The following TBCD variants were observed in gnomAD, a reference collection of about 807,000 sequenced individuals.
TBCD encodes tubulin folding cofactor D.
A neutral mutation model predicts 169.3 loss-of-function variants in TBCD; 105 were observed. The observed-to-expected ratio is 0.62, with a 90% CI of 0.53 to 0.73. The LOEUF (loss-of-function observed/expected upper bound fraction) is 0.73. Ranked by LOEUF, TBCD falls within the 30% of genes least tolerant of loss-of-function variation. The pLI, the probability that TBCD is intolerant of heterozygous loss-of-function variation, is 0.00. For missense variants in TBCD, 1,444 were observed against 1,600.1 expected, an observed-to-expected ratio of 0.90 and a Z score of 1.66; for synonymous variants, 700 against 643.9, an observed-to-expected ratio of 1.09 and a Z score of -1.32.
chr17:82,823,963 TCTACTTTCTGCTTGAAAA>T (rs1245869205), intron 13 of TBCD, among the ~76,000 whole-genome samples: 2 of 151,968 alleles, frequency 1.3e-5, no homozygotes, highest in Non-Finnish European at 2.9e-5. Flanking sequence ...GTAACTCTAG[TCTACTTTCTGCTTGAAAA>T]AGGACTTTGC....
rs529146632 is a variant in TBCD, at chr17:82,791,307, G to T, written c.772-6450G>T. Among the ~76,000 whole-genome samples, 38 of 152,200 alleles carry T rather than the reference G, an allele frequency of 2.5e-4. No homozygotes were observed. The South Asian group carries it at 7.9e-3, about 32-fold the overall frequency. On this transcript the variant is annotated intron_variant, in intron 7 of 38. Transcript: ENST00000355528. ...GGGGTTTCACCGTGTTAGCCAGGAT[G>T]GTCTCGATCTCCTGACCTCGTGATC...
At chr17:82,850,227 G>GCTGTGCTGTTGTTGC (rs2145637560) in intron 13 of TBCD, among the ~76,000 whole-genome samples, 2 of 141,792 alleles carry the variant, frequency 1.4e-5, no homozygotes, top group Admixed American at 7.1e-5. Flanking sequence ...GCTGCTGTTG[G>GCTGTGCTGTTGTTGC]CTGTGCTGCT....
intron 13 of TBCD, 34 bp from the exon 14 acceptor site, chr17:82,870,190 G>C (rs1243150294): frequency 1.2e-6 from 2 of 1,611,210 alleles, no homozygotes; most frequent in South Asian, 2.2e-5. Flanking sequence ...CGTGTGGTCT[G>C]CTCCTCACCG....
chr17:82,940,958 TAAAAAAA>T (rs199798632), intron 37 of TBCD, among the ~76,000 whole-genome samples: 2 of 148,004 alleles, frequency 1.4e-5, no homozygotes, highest in African/African-American at 4.9e-5. Flanking sequence ...CCCTTTCTGT[TAAAAAAA>T]AAAATCCTTA....
At chr17:82,897,193 T>C (rs1378299957) in intron 17 of TBCD, among the ~76,000 whole-genome samples, 1 of 152,150 alleles carries the variant, frequency 6.6e-6, no homozygotes, top group Non-Finnish European at 1.5e-5. Flanking sequence ...TTCAGTATCC[T>C]GTATATTCCT....
rs2053522475 is a variant in TBCD at position 82,831,642 on chromosome 17, G to A, written c.1318+16708G>A. Reference sequence around the variant, plus strand: ...CTTGGGTTCCGTAGACTGACAGCAGGGGTGCGTCACACTCAGGCGAGCTCC... The same window carrying A: ...CTTGGGTTCCGTAGACTGACAGCAGAGGTGCGTCACACTCAGGCGAGCTCC... On this transcript the variant is annotated intron_variant, in intron 13 of 38. Transcript: ENST00000355528. The surrounding 1 kb of genome is among the most constrained non-coding windows in gnomAD (Gnocchi z 4.6). 1.9e-6 allele frequency: 3 copies of A among 1,614,182 alleles called. No homozygotes were observed.
rs189904059 is a variant in TBCD, at chr17:82,927,201, T to C, written c.2487T>C (p.Val829=). ...LKAIARICQT[V]GVKAGAPDEA... The stretch of plus-strand genomic sequence containing the variant: ...TAAATTTCAGGATTTGCCAGACTGT[T>C]GGTGTGAAAGCAGGAGCCCCAGACG... Residue 829 remains valine (V), a synonymous_variant, in exon 29 of 39, where the codon GTT becomes GTC. Coordinates refer to ENST00000355528, the MANE Select transcript of TBCD (RefSeq NM_005993.5). The C allele has an allele frequency of 9.1e-4, 1,474 of 1,614,010 alleles. No homozygotes were observed. Among genetic ancestry groups the C allele is most frequent in the Non-Finnish European group, 1.1e-3 (1,311 of 1,179,886 alleles).
chr17:82,891,148 A>G (rs7221839), intron 16 of TBCD, among the ~76,000 whole-genome samples: 43,229 of 152,200 alleles, frequency 0.28, 6,276 homozygotes, highest in African/African-American at 0.35. Flanking sequence ...GGAGCAGCCC[A>G]GTCGCATAGG....
At chr17:82,891,337 C>T (rs1027121727) in intron 16 of TBCD, among the ~76,000 whole-genome samples, 5 of 152,218 alleles carry the variant, frequency 3.3e-5, no homozygotes, top group South Asian at 2.1e-4. Context: ...CCCGTGGGTG[C>T]GGGAGTCTTG....
At chr17:82,774,016 ACCGCGCCTGGCCCGAGT>A (rs1277371789) in intron 6 of TBCD, among the ~76,000 whole-genome samples, 3 of 148,528 alleles carry the variant, frequency 2.0e-5, no homozygotes, top group Admixed American at 2.0e-4. Context: ...GGTGTGAGCC[ACCGCGCCTGGCCCGAGT>A]GTGTCTTTTT....
At chr17:82,897,937 C>T (rs551154882) in intron 17 of TBCD, among the ~76,000 whole-genome samples, 4 of 151,362 alleles carry the variant, frequency 2.6e-5, no homozygotes, top group South Asian at 2.1e-4. Context: ...ATTGAGCCCC[C>T]GTGGGTTTTG....
chr17:82,778,476 C>T (rs1457260927), intron 6 of TBCD, among the ~76,000 whole-genome samples: 2 of 152,044 alleles, frequency 1.3e-5, no homozygotes, highest in Non-Finnish European at 2.9e-5. Context: ...CTTTTCTTTT[C>T]GAGACAGGGT....
intron 13 of TBCD, among the ~76,000 whole-genome samples, chr17:82,859,072 C>T (rs536449151): frequency 2.0e-5 from 3 of 151,338 alleles, no homozygotes; most frequent in African/African-American, 2.4e-5. Flanking sequence ...GTGTCCTCCC[C>T]GCACTGGCTT....
intron 13 of TBCD, among the ~76,000 whole-genome samples, chr17:82,869,172 T>C (rs2057388607): frequency 6.6e-6 from 1 of 152,238 alleles, no homozygotes; most frequent in Non-Finnish European, 1.5e-5. Context: ...GTTTTCTTTG[T>C]TCAGCAGTTG....
Position 82,800,890 on chromosome 17 carries a change from GGCT to G in TBCD, c.847_849del (p.Cys283del). The G allele has an allele frequency of 6.2e-7, 1 of 1,612,862 alleles. No individual in the cohort carries two copies. Among genetic ancestry groups the G allele is most frequent in the Non-Finnish European group, 8.5e-7 (1 of 1,179,632 alleles). ...TGCCACTGTCCTCAGGTGCCTCGAT[GGCT>G]GCAGACTCCCTGAGAGCAACCAGAC... On this transcript the variant is annotated inframe_deletion, in exon 9 of 39. Transcript: ENST00000355528.
intron 13 of TBCD, among the ~76,000 whole-genome samples, chr17:82,821,321 A>G (rs1376780589): frequency 9.9e-6 from 1 of 100,634 alleles, no homozygotes; most frequent in East Asian, 2.6e-4. Flanking sequence ...CTTTGTCCAC[A>G]GTTTTCTTGA....
chr17:82,828,671 C>T (rs1410525604), intron 13 of TBCD, among the ~76,000 whole-genome samples: 2 of 151,274 alleles, frequency 1.3e-5, no homozygotes, highest in Non-Finnish European at 2.9e-5. Flanking sequence ...TACACATGCA[C>T]ACCCACAGAA....
chr17:82,772,937 C>T (rs2048379453), intron 6 of TBCD, among the ~76,000 whole-genome samples: 1 of 152,106 alleles, frequency 6.6e-6, no homozygotes, highest in African/African-American at 2.4e-5. Flanking sequence ...CCCGTGTGCC[C>T]CAGACAGGGG....
rs1046159557 is a variant in TBCD, at chr17:82,915,114, G to C, written c.2038+3325G>C. On this transcript the variant is annotated intron_variant, in intron 23 of 38. Transcript: ENST00000355528. The surrounding 1 kb of genome is among the most constrained non-coding windows in gnomAD (Gnocchi z 4.3). ...CTCTTGTCGGGGTGAGAAATCTGCG[G>C]GTTCACGGGCTACATGTGGGAGACG... 6.6e-6 allele frequency among the ~76,000 whole-genome samples: 1 copy of C among 152,116 alleles called. No individual in the cohort carries two copies. The highest frequency in any genetic ancestry group is 2.4e-5 in the African/African-American group (1 of 41,424).
Sources: gnomAD v4.1 joint callset for allele counts (sites outside exome capture counted in the v4.1 genomes callset) on GRCh38, gnomAD v4.1.1 for gene constraint, Gnocchi (gnomAD v3.1) non-coding constraint, MANE v1.5 for transcripts, NCBI Gene and HGNC (gene_info 2026-07-23, HGNC 2026-07-21) for gene names.